Variants in FANCA observed in about 807,000 individuals in gnomAD.
FANCA encodes Fanconi anemia group A protein.
FANCA carries 236 observed loss-of-function variants against 194.3 expected under a neutral mutation model. The observed-to-expected ratio is 1.21, with a 90% CI of 1.09 to 1.35. The LOEUF is 1.35. FANCA is among the 40% of genes most tolerant of loss of function. FANCA has a pLI of 0.00. For missense variants in FANCA, 2,628 were observed against 1,813.9 expected (o/e 1.45, Z -8.15); for synonymous variants, 1,014 against 715.8 (o/e 1.42, Z -6.65).
intron 29 of FANCA, among the ~76,000 whole-genome samples, chr16:89,760,370 C>A (rs746110987): frequency 3.3e-5 from 5 of 152,220 alleles, no homozygotes; most frequent in Non-Finnish European, 5.9e-5. Flanking sequence ...CCATTGGTTT[C>A]ATCCAGAATC....
At chr16:89,751,931 C>A (rs558206414) in intron 31 of FANCA, among the ~76,000 whole-genome samples, 1 of 152,136 alleles carries the variant, frequency 6.6e-6, no homozygotes, top group South Asian at 2.1e-4. Context: ...CCACCACGCC[C>A]GGCTAAATTT....
At chr16:89,760,122 A>C (rs1256616355) in intron 29 of FANCA, among the ~76,000 whole-genome samples, 1 of 152,220 alleles carries the variant, frequency 6.6e-6, no homozygotes, top group Non-Finnish European at 1.5e-5. Flanking sequence ...ACATCTCAAC[A>C]CAACTTCCAC....
At chr16:89,804,130 C>A (rs1598174844) in intron 7 of FANCA, among the ~76,000 whole-genome samples, 1 of 152,158 alleles carries the variant, frequency 6.6e-6, no homozygotes, top group East Asian at 1.9e-4. Flanking sequence ...TTAAATTTAA[C>A]CTATCTGGTA....
At chr16:89,813,603 T>C (rs1239057606) in intron 3 of FANCA, among the ~76,000 whole-genome samples, 2 of 151,962 alleles carry the variant, frequency 1.3e-5, no homozygotes, top group Non-Finnish European at 2.9e-5. Context: ...CGGCTAATTT[T>C]TGTGTTTTTT....
At chr16:89,808,413 C>T (rs1447765299) in intron 5 of FANCA, 46 bp from the exon 6 acceptor site, 2 of 1,584,732 alleles carry the variant, frequency 1.3e-6, no homozygotes, top group Non-Finnish European at 1.7e-6. Context: ...AAAAAAACCC[C>T]CAGCATTCTG....
intron 10 of FANCA, chr16:89,798,913 A>C (rs2040342364): frequency 3.1e-6 from 5 of 1,598,386 alleles, no homozygotes; most frequent in Admixed American, 1.7e-5. Context: ...TTGGTGCAGG[A>C]CTTCCAGAGG....
intron 14 of FANCA, among the ~76,000 whole-genome samples, chr16:89,788,568 G>A (rs748186041): frequency 1.4e-4 from 21 of 152,194 alleles, no homozygotes; most frequent in Non-Finnish European, 2.6e-4. Context: ...GGGTTAAGGT[G>A]CGGGGATCGC....
At chr16:89,803,196 T>C in intron 8 of FANCA, 63 bp downstream of exon 8, 1 of 1,474,906 alleles carries the variant, frequency 6.8e-7, no homozygotes, top group South Asian at 1.1e-5. Flanking sequence ...CGTAAATACA[T>C]TTCAACACTT....
chr16:89,748,575 G>A (rs760018537), intron 33 of FANCA, 84 bp downstream of exon 33: 440 of 1,031,162 alleles, frequency 4.3e-4, no homozygotes, highest in Non-Finnish European at 5.4e-4. Flanking sequence ...CACACGGTCA[G>A]TACACGCATG....
chr16:89,799,510 G>C, intron 9 of FANCA, 95 bp downstream of exon 9: 2 of 1,257,414 alleles, frequency 1.6e-6, no homozygotes, highest in Admixed American at 1.7e-5. Context: ...ACATACAGAG[G>C]AGAAATACCT....
chr16:89,796,697 G>A (rs140628310), intron 10 of FANCA, among the ~76,000 whole-genome samples: 184 of 152,298 alleles, frequency 1.2e-3, no homozygotes, highest in African/African-American at 4.3e-3. Context: ...CAACCAGCAA[G>A]CGGCACTTTA....
In FANCA at chr16:89,774,729, C is replaced by CAAAAAA. The variant is rs780078944; in HGVS notation, c.1900+1007_1900+1012dup. On this transcript the variant is annotated intron_variant, in intron 21 of 42. Coordinates refer to ENST00000389301, the MANE Select transcript of FANCA (RefSeq NM_000135.4). The stretch of plus-strand genomic sequence containing the variant: ...TGGGCAACAGAGCGAGACTCTGTCT[C>CAAAAAA]AAAAAAAAAAAAAAAAAAAAAAAAA... 7.5e-3 allele frequency among the ~76,000 whole-genome samples: 166 copies of CAAAAAA among 22,194 alleles called. 36 individuals carry two copies. The East Asian group carries it at 0.12, about 16-fold the overall frequency. The allele number at this position is 22,194 out of a possible 152,430, so 14.6% of individuals were successfully genotyped here. A position where few individuals can be genotyped will look rare whatever the true frequency, so the allele number is the denominator to read the frequency against.
At position 89,799,185 on chromosome 16, in the gene FANCA, G is replaced by C. The variant is rs200220791; in HGVS notation, c.874C>G (p.His292Asp). Residue 292 changes from histidine (H) to aspartate (D), a missense_variant, in exon 10 of 43, where the codon CAC becomes GAC. Transcript: ENST00000389301. ...AAGVQEESSTHKIVRCWFGVF... is the reference protein window; with the variant it reads ...AAGVQEESSTDKIVRCWFGVF... ...ACATACCAGCACCTCACGATCTTGT[G>C]AGTGGAGGACTCCTCCTGTACTCCA... The C allele has an allele frequency of 4.1e-4, 664 of 1,614,064 alleles. 2 individuals are homozygous for C. The highest frequency in any genetic ancestry group is 5.2e-4 in the Non-Finnish European group (617 of 1,180,040).
chr16:89,748,294 G>C (rs138633606), intron 33 of FANCA, among the ~76,000 whole-genome samples: 1 of 148,890 alleles, frequency 6.7e-6, no homozygotes, highest in African/African-American at 2.6e-5. Flanking sequence ...GCGGTAGTCA[G>C]ATCACCACAA....
In FANCA at chr16:89,792,435, G is replaced by A. The variant is rs17232553; in HGVS notation, c.1083+36C>T. ...AGGCAGATCTTAATCCCCCCGCCACGAGCTCAGAAGCAGGTATAATACCAC... is the reference window on the plus strand; with the variant it reads ...AGGCAGATCTTAATCCCCCCGCCACAAGCTCAGAAGCAGGTATAATACCAC... On this transcript the variant is annotated intron_variant, in intron 12 of 42. Transcript: ENST00000389301. 8.4e-5 allele frequency: 134 copies of A among 1,597,158 alleles called. 2 individuals carry two copies. The South Asian group carries it at 1.1e-3, about 13-fold the overall frequency.
chr16:89,803,203 A>G (rs1247112622), intron 8 of FANCA, 56 bp downstream of exon 8: 12 of 1,502,424 alleles, frequency 8.0e-6, no homozygotes, highest in Admixed American at 1.7e-5. Context: ...ACATTTCAAC[A>G]CTTGGAATAA....
Position 89,816,578 on chromosome 16 carries a change from TG to T in FANCA, c.37del (p.Gln13ArgfsTer31). Reference sequence around the variant, plus strand: ...GGCCCTCCGGCGGCCCCCTGGGTCCTGGCCCGAGGCGGAGTTCGGGACCCAC... The same window carrying T: ...GGCCCTCCGGCGGCCCCCTGGGTCCTGCCCGAGGCGGAGTTCGGGACCCAC... ...DSWVPNSASG[Q>X]DPGGRRRAWA... On this transcript the variant is annotated frameshift_variant, in exon 1 of 43. Transcript: ENST00000389301. LOFTEE classifies it high-confidence loss of function. 6.6e-7 allele frequency: 1 copy of T among 1,524,576 alleles called. No homozygotes were observed. The highest frequency in any genetic ancestry group is 8.7e-7 in the Non-Finnish European group (1 of 1,144,122). The allele number at this position is 1,524,576 out of a possible 1,614,324, so 94.4% of individuals were successfully genotyped here. A position where few individuals can be genotyped will look rare whatever the true frequency, so the allele number is the denominator to read the frequency against.
chr16:89,748,915 T>C lies in FANCA; in HGVS notation c.3240-148A>G, dbSNP rs1029910266. ...CCTTGGCCTGTGTCCCTCTGTCCCA[T>C]CCAAAGCCTGCACTCTGAGCCCACC... On this transcript the variant is annotated intron_variant, in intron 32 of 42. Coordinates refer to ENST00000389301, the MANE Select transcript of FANCA (RefSeq NM_000135.4). The C allele has an allele frequency of 7.0e-6, 5 of 714,960 alleles. No individual in the cohort carries two copies. The African/African-American group carries it at 8.7e-5, about 12-fold the overall frequency. The allele number at this position is 714,960 out of a possible 1,614,324, so 44.3% of individuals were successfully genotyped here.
rs759763556 is a variant in FANCA, at chr16:89,811,021, G to C, written c.334C>G (p.Leu112Val). The change falls in exon 4 of 43, where the codon CTC becomes GTC. Residue 112 changes from leucine to valine, a missense_variant. By Grantham distance (32) the Leu-to-Val change is conservative (BLOSUM62 1). Transcript: ENST00000389301. ...ASRLGVPVGI[L>V]SAGMVASSVG... Reference sequence around the variant, plus strand: ...CTAGAGGCAACCATCCCGGCTGAGAGAATACCCACGGGAACCCCCAGCCTT... The same window carrying C: ...CTAGAGGCAACCATCCCGGCTGAGACAATACCCACGGGAACCCCCAGCCTT... 5 of 1,614,046 alleles carry C rather than the reference G, an allele frequency of 3.1e-6. No homozygotes were observed. The highest frequency in any genetic ancestry group is 1.3e-5 in the African/African-American group (1 of 75,062).
Sources: gnomAD v4.1 joint callset for allele counts (sites outside exome capture counted in the v4.1 genomes callset) on GRCh38, gnomAD v4.1.1 for gene constraint, MANE v1.5 for transcripts, NCBI Gene and HGNC (gene_info 2026-07-23, HGNC 2026-07-21) for gene names.